Variants in CRISP1 observed in about 807,000 individuals in gnomAD.
The protein encoded by CRISP1 is cysteine-rich secretory protein 1.
A neutral mutation model predicts 33.1 loss-of-function variants in CRISP1; 44 were observed. The ratio of observed to expected loss-of-function variants is 1.33; its 90% CI spans 1.05 to 1.71. The LOEUF is 1.71. Ranked by LOEUF, CRISP1 falls within the 40% of genes most tolerant of loss-of-function variation. The pLI is 0.00. For synonymous variants in CRISP1, 103 were observed against 98.7 expected, an observed-to-expected ratio of 1.04 and a Z score of -0.26; for missense variants, 390 against 301.2, an observed-to-expected ratio of 1.29 and a Z score of -2.18.
intron 5 of CRISP1, 68 bp from the exon 6 acceptor site, chr6:49,841,063 G>T: frequency 7.6e-7 from 1 of 1,315,028 alleles, no homozygotes; most frequent in Non-Finnish European, 1.1e-6. Context: ...TATCCATATT[G>T]TCATCCATGA....
At chr6:49,876,485 C>CA (rs1385139974) in intron 1 of CRISP1, among the ~76,000 whole-genome samples, 8 of 151,970 alleles carry the variant, frequency 5.3e-5, no homozygotes. Flanking sequence ...GAAAATTCCT[C>CA]AAAGATCTAG....
chr6:49,848,525 A>G (rs1771256221), intron 3 of CRISP1, among the ~76,000 whole-genome samples: 1 of 152,188 alleles, frequency 6.6e-6, no homozygotes, highest in Admixed American at 6.5e-5. Flanking sequence ...AATTACATTC[A>G]GAGATAGATT....
intron 1 of CRISP1, among the ~76,000 whole-genome samples, chr6:49,874,200 A>C (rs942758945): frequency 6.6e-6 from 1 of 152,122 alleles, no homozygotes; most frequent in African/African-American, 2.4e-5. Flanking sequence ...TCAATGATAG[A>C]TCTTCCTTCA....
chr6:49,876,680 T>C (rs1772042445), intron 1 of CRISP1, among the ~76,000 whole-genome samples: 2 of 152,042 alleles, frequency 1.3e-5, no homozygotes, highest in South Asian at 4.1e-4. Context: ...GCGATACATA[T>C]ACACCATGGA....
Position 49,848,312 on chromosome 6 carries a change from GAA to G in CRISP1, c.196-15_196-14del. ...CTTCACTCCAACTCTGTAGTGGAAAGAAAAAAAAAGCACATGTTCCAATTAAT... is the reference window on the plus strand; with the variant it reads ...CTTCACTCCAACTCTGTAGTGGAAAGAAAAAAAGCACATGTTCCAATTAAT... On this transcript the variant is annotated splice_polypyrimidine_tract_variant and intron_variant, in intron 3 of 7. Coordinates refer to ENST00000335847, the MANE Select transcript of CRISP1 (RefSeq NM_001131.3). 6.9e-7 allele frequency: 1 copy of G among 1,445,872 alleles called. No homozygotes were observed. Among genetic ancestry groups the G allele is most frequent in the Non-Finnish European group, 9.4e-7 (1 of 1,061,920 alleles). The allele number at this position is 1,445,872 out of a possible 1,614,324, so 89.6% of individuals were successfully genotyped here.
intron 1 of CRISP1, among the ~76,000 whole-genome samples, chr6:49,874,594 C>G (rs1226883449): frequency 6.6e-6 from 1 of 152,010 alleles, no homozygotes; most frequent in Non-Finnish European, 1.5e-5. Context: ...GGTAGAGATA[C>G]AGCAACGACA....
In CRISP1 at chr6:49,857,338, C is replaced by A. The variant is rs143443747; in HGVS notation, c.63G>T (p.Met21Ile). 1 of 1,612,552 alleles carries A rather than the reference C, an allele frequency of 6.2e-7. No homozygotes were observed. Among genetic ancestry groups the A allele is most frequent in the African/African-American group, 1.3e-5 (1 of 74,842 alleles). ...GAAACATCCAACCCTCACATACTTTCATGGACAACATAGGCAGTAAGCAAG... is the reference window on the plus strand; with the variant it reads ...GAAACATCCAACCCTCACATACTTTAATGGACAACATAGGCAGTAAGCAAG... ...AAACLLPMLS[M>I]KKKSARDQFN... The change falls in exon 2 of 8, where the codon ATG becomes ATT. Residue 21 changes from methionine (M) to isoleucine (I), a missense_variant. Transcript: ENST00000335847.
chr6:49,835,400 T>C lies in CRISP1; in HGVS notation c.666A>G (p.Ile222Met), dbSNP rs1489717963. ...GGTTGCATCCCAGATAATGGACTTG[T>C]ATGTCACAGTCGAAGTATTCATCAT... ...IYYDEYFDCDIQVHYLGCNHS... is the reference protein window; with the variant it reads ...IYYDEYFDCDMQVHYLGCNHS... Residue 222 changes from isoleucine to methionine, a missense_variant, in exon 8 of 8, where the codon ATA (isoleucine) becomes ATG (methionine). Ile to Met is a conservative substitution (Grantham distance 10). Coordinates refer to ENST00000335847, the MANE Select transcript of CRISP1 (RefSeq NM_001131.3). 1.9e-6 allele frequency: 3 copies of C among 1,613,524 alleles called. No individual in the cohort carries two copies. The highest frequency in any genetic ancestry group is 1.7e-5 in the Admixed American group (1 of 60,010).
At chr6:49,835,700 G>A (rs1158736461) in intron 7 of CRISP1, among the ~76,000 whole-genome samples, 5 of 152,158 alleles carry the variant, frequency 3.3e-5, no homozygotes, top group African/African-American at 1.2e-4. Flanking sequence ...ACAGATTGGA[G>A]AGGAATCATA....
At chr6:49,871,287 A>G (rs1771917539), upstream of CRISP1, among the ~76,000 whole-genome samples, 1 of 152,230 alleles carries the variant, frequency 6.6e-6, no homozygotes, top group South Asian at 2.1e-4. Context: ...TAATTGCCCT[A>G]CTGGAACAGA....
chr6:49,870,283 C>T (rs1404264546), upstream of CRISP1, among the ~76,000 whole-genome samples: 1 of 152,146 alleles, frequency 6.6e-6, no homozygotes, highest in African/African-American at 2.4e-5. Context: ...AGATGACATA[C>T]TCAAACTGGG....
intron 1 of CRISP1, among the ~76,000 whole-genome samples, chr6:49,859,338 C>T (rs757185349): frequency 4.0e-5 from 6 of 151,626 alleles, no homozygotes; most frequent in African/African-American, 7.3e-5. Context: ...CATTTCCCAC[C>T]TGAAGTGTCT....
intron 6 of CRISP1, 32 bp downstream of exon 6, chr6:49,840,866 G>A (rs1199986059): frequency 6.6e-7 from 1 of 1,516,554 alleles, no homozygotes; most frequent in Non-Finnish European, 9.1e-7. Flanking sequence ...TACTTTAGGG[G>A]GATATATATT....
At chr6:49,858,252 G>C in intron 1 of CRISP1, among the ~76,000 whole-genome samples, 1 of 152,094 alleles carries the variant, frequency 6.6e-6, no homozygotes, top group East Asian at 1.9e-4. Context: ...TTTATTTTTA[G>C]TTAATATAGC....
At chr6:49,861,560 CA>C (rs1481976144) in intron 1 of CRISP1, among the ~76,000 whole-genome samples, 1 of 152,004 alleles carries the variant, frequency 6.6e-6, no homozygotes, top group Non-Finnish European at 1.5e-5. Context: ...CTCTTCCTGA[CA>C]AAAAACTCTC....
chr6:49,870,863 G>A (rs900882657), upstream of CRISP1, among the ~76,000 whole-genome samples: 7 of 152,214 alleles, frequency 4.6e-5, no homozygotes, highest in African/African-American at 9.6e-5. Flanking sequence ...TTTGGAGGCC[G>A]AGGTGGGCGG....
chr6:49,836,405 G>A (rs1301336617), intron 7 of CRISP1, among the ~76,000 whole-genome samples: 2 of 149,898 alleles, frequency 1.3e-5, no homozygotes, highest in African/African-American at 2.5e-5. Context: ...GTGCAATCTC[G>A]GCTCACTGCA....
At chr6:49,844,898 A>G (rs891689476) in intron 5 of CRISP1, among the ~76,000 whole-genome samples, 1 of 152,144 alleles carries the variant, frequency 6.6e-6, no homozygotes, top group Non-Finnish European at 1.5e-5. Context: ...TGGATGAATC[A>G]CATCTTGAAT....
At chr6:49,876,563 T>C (rs1469980417) in intron 1 of CRISP1, among the ~76,000 whole-genome samples, 2 of 151,914 alleles carry the variant, frequency 1.3e-5, no homozygotes, top group Non-Finnish European at 2.9e-5. Context: ...ATAAATATTA[T>C]ATTATAAAGA....
Sources: allele counts gnomAD v4.1 joint callset (sites outside exome capture counted in the v4.1 genomes callset), GRCh38; gene constraint gnomAD v4.1.1; transcripts MANE v1.5; gene names NCBI Gene and HGNC (gene_info 2026-07-23, HGNC 2026-07-21).